The following NRG1 variants were observed in gnomAD, a reference collection of about 807,000 sequenced individuals.
NRG1 encodes neuregulin 1.
NRG1 carries 18 observed loss-of-function variants against 63.8 expected under a neutral mutation model. That is an observed-to-expected ratio of 0.28 (90% CI 0.19 to 0.42). The LOEUF (loss-of-function observed/expected upper bound fraction) is 0.42, where lower values mean the gene tolerates loss of function less well. NRG1 is among the 10% of genes least tolerant of loss of function. The probability of loss-of-function intolerance (pLI) is 1.00; values close to 1 mark genes in which losing one functional copy is unlikely to be tolerated. For synonymous variants in NRG1, 302 were observed against 301.3 expected, an observed-to-expected ratio of 1.00 and a Z score of -0.02; for missense variants, 762 against 814.7, an observed-to-expected ratio of 0.94 and a Z score of 0.79.
chr8:32,112,974 A>T (rs1028277505), intron 1 of NRG1, among the ~76,000 whole-genome samples: 1 of 152,212 alleles, frequency 6.6e-6, no homozygotes, highest in Non-Finnish European at 1.5e-5. Flanking sequence ...TAGGCCCAGT[A>T]CTAAATGAAA....
intron 1 of NRG1, among the ~76,000 whole-genome samples, chr8:31,669,887 G>A (rs1241355050): frequency 2.6e-5 from 4 of 152,130 alleles, no homozygotes; most frequent in Non-Finnish European, 4.4e-5. Context: ...TGAGGATTGG[G>A]TGTGGAATTT....
intron 1 of NRG1, among the ~76,000 whole-genome samples, chr8:31,869,887 T>C (rs16878396): frequency 0.15 from 22,952 of 152,170 alleles, 2,062 homozygotes; most frequent in Non-Finnish European, 0.19. Context: ...GGTGTGACCT[T>C]ATTGGATTCA....
intron 1 of NRG1, among the ~76,000 whole-genome samples, chr8:31,798,033 G>A (rs560669055): frequency 6.6e-6 from 1 of 152,258 alleles, no homozygotes; most frequent in East Asian, 1.9e-4. Context: ...GGCTGTGAGG[G>A]GGAGGGGGAA....
At chr8:31,944,980 C>T (rs1347253604) in intron 1 of NRG1, among the ~76,000 whole-genome samples, 1 of 152,144 alleles carries the variant, frequency 6.6e-6, no homozygotes, top group East Asian at 1.9e-4. Flanking sequence ...CCAATGTGCT[C>T]CTTATCTTGA....
At position 32,410,134 on chromosome 8, in the gene NRG1, T is replaced by C. The variant is rs552436990; in HGVS notation, c.38-185694T>C. Among the ~76,000 whole-genome samples the C allele has an allele frequency of 1.3e-4, 20 of 151,598 alleles. No individual in the cohort carries two copies. The South Asian group carries it at 3.8e-3, about 28-fold the overall frequency. ...GGAGATTGGGCTAAGTTGTCAGTGA[T>C]TCACCCCCATTCCTGCCCTAAGGAA... On this transcript the variant is annotated intron_variant, in intron 1 of 10. Coordinates refer to the NRG1 transcript ENST00000519301.
intron 1 of NRG1, among the ~76,000 whole-genome samples, chr8:31,738,688 T>C (rs976158915): frequency 1.8e-4 from 28 of 151,970 alleles, no homozygotes; most frequent in African/African-American, 5.8e-4. Context: ...CCCTGTGGGG[T>C]TCTGGCAGAT....
At chr8:32,662,752 C>G (rs188168092) in intron 5 of NRG1, among the ~76,000 whole-genome samples, 1 of 152,086 alleles carries the variant, frequency 6.6e-6, no homozygotes, top group Non-Finnish European at 1.5e-5. Context: ...TGAGAGGAGT[C>G]AAGGCTGATT....
intron 1 of NRG1, among the ~76,000 whole-genome samples, chr8:31,869,842 G>C (rs913048851): frequency 3.3e-5 from 5 of 152,106 alleles, no homozygotes; most frequent in Non-Finnish European, 5.9e-5. Flanking sequence ...TTGAACATGC[G>C]CATCCATGAG....
At chr8:32,628,796 G>C (rs1034644590) in intron 5 of NRG1, among the ~76,000 whole-genome samples, 1 of 147,886 alleles carries the variant, frequency 6.8e-6, no homozygotes, top group African/African-American at 2.5e-5. Flanking sequence ...GCAGTGGCAT[G>C]ATCTCGGCTC....
intron 1 of NRG1, among the ~76,000 whole-genome samples, chr8:31,807,946 C>CGT (rs1491467747): frequency 0.016 from 1,080 of 69,460 alleles, 9 homozygotes; most frequent in African/African-American, 0.039. Context: ...CAAGAGTATT[C>CGT]GCGTGTGTGT....
chr8:31,798,878 G>A (rs1295776513), intron 1 of NRG1, among the ~76,000 whole-genome samples: 1 of 151,926 alleles, frequency 6.6e-6, no homozygotes, highest in Non-Finnish European at 1.5e-5. Flanking sequence ...TCCATAAAGT[G>A]CCACATCAGA....
At position 31,766,516 on chromosome 8, in the gene NRG1, C is replaced by T. The variant is rs564189669; in HGVS notation, c.37+127085C>T. Among the ~76,000 whole-genome samples the T allele has an allele frequency of 2.7e-4, 41 of 152,248 alleles. No individual in the cohort carries two copies. The South Asian group carries it at 4.1e-3, about 15-fold the overall frequency. On this transcript the variant is annotated intron_variant, in intron 1 of 10. Transcript: ENST00000519301. Reference sequence around the variant, plus strand: ...AGAGGAAGGACAACAAGCCCCTGTGCAAACCCCTAGGAAATGTCAGTAGAG... The same window carrying T: ...AGAGGAAGGACAACAAGCCCCTGTGTAAACCCCTAGGAAATGTCAGTAGAG...
Position 31,737,466 on chromosome 8 carries a change from T to A in NRG1, c.37+98035T>A, listed in dbSNP as rs565676628. 5.9e-5 allele frequency among the ~76,000 whole-genome samples: 9 copies of A among 152,260 alleles called. No individual in the cohort carries two copies. In the South Asian group the frequency reaches 1.4e-3, roughly 25 times the overall value. ...ACTGAGAGCTGGGCCTGACACTTAC[T>A]AGGGACACAATAAATGTTGACTTAT... is the stretch of plus-strand genomic sequence containing the variant. On this transcript the variant is annotated intron_variant, in intron 1 of 10. Transcript: ENST00000519301.
chr8:31,953,593 T>C (rs1156328097), intron 1 of NRG1, among the ~76,000 whole-genome samples: 8 of 152,188 alleles, frequency 5.3e-5, no homozygotes, highest in Admixed American at 5.2e-4. Flanking sequence ...AGAAAAAAGA[T>C]CATCCTAGGA....
intron 5 of NRG1, among the ~76,000 whole-genome samples, chr8:32,683,485 G>A (rs551613731): frequency 3.9e-5 from 6 of 152,168 alleles, no homozygotes; most frequent in African/African-American, 7.2e-5. Context: ...TGCACTTTTC[G>A]GCATAGTAGC....
chr8:32,370,026 A>T (rs56362863), intron 1 of NRG1, among the ~76,000 whole-genome samples: 18,545 of 152,124 alleles, frequency 0.12, 1,254 homozygotes, highest in Non-Finnish European at 0.15. Flanking sequence ...GTGCTGGTTC[A>T]GAGAAAAGAA....
chr8:31,962,572 C>A (rs1164212295), intron 1 of NRG1, among the ~76,000 whole-genome samples: 1 of 152,114 alleles, frequency 6.6e-6, no homozygotes, highest in Non-Finnish European at 1.5e-5. Context: ...TATATGGGAC[C>A]TTCAAACTTG....
intron 1 of NRG1, among the ~76,000 whole-genome samples, chr8:31,819,108 T>G (rs1297544071): frequency 2.0e-5 from 3 of 152,004 alleles, no homozygotes; most frequent in Non-Finnish European, 4.4e-5. Flanking sequence ...CACAGTTGCA[T>G]AGACCTGTAG....
intron 1 of NRG1, among the ~76,000 whole-genome samples, chr8:31,701,550 G>C (rs188209775): frequency 1.3e-5 from 2 of 151,966 alleles, no homozygotes; most frequent in African/African-American, 4.8e-5. Context: ...AGCAGAACCC[G>C]AGGTAATGTG....
Sources: allele counts gnomAD v4.1 joint callset (sites outside exome capture counted in the v4.1 genomes callset), GRCh38; gene constraint gnomAD v4.1.1; transcripts MANE v1.5; gene names NCBI Gene and HGNC (gene_info 2026-07-23, HGNC 2026-07-21).